PCDHGA7: variants seen among roughly 807,000 people sequenced by gnomAD.
PCDHGA7 encodes protocadherin gamma-A7.
A neutral mutation model predicts 58.3 loss-of-function variants in PCDHGA7; 44 were observed. The ratio of observed to expected loss-of-function variants is 0.75; its 90% CI spans 0.59 to 0.97. The LOEUF is 0.97. Among genes scored for constraint, PCDHGA7 ranks in the 50% least tolerant of loss-of-function variants. The pLI is 0.00. For missense variants in PCDHGA7, 1,266 were observed against 1,188.7 expected (o/e 1.06, Z -0.96); for synonymous variants, 516 against 504.2 (o/e 1.02, Z -0.31).
At chr5:141,466,993 T>G (rs2099133598) in intron 1 of PCDHGA7, among the ~76,000 whole-genome samples, 1 of 152,148 alleles carries the variant, frequency 6.6e-6, no homozygotes, top group African/African-American at 2.4e-5. Context: ...CCTTTTGGCA[T>G]TTTTTTGCAA....
intron 1 of PCDHGA7, chr5:141,479,691 C>T (rs2099503603): frequency 6.6e-6 from 1 of 152,206 alleles, no homozygotes; most frequent in Non-Finnish European, 1.5e-5. Context: ...TTTGGTGCCT[C>T]CAGTGTTAGT....
intron 1 of PCDHGA7, chr5:141,388,735 C>A: frequency 6.2e-7 from 1 of 1,613,974 alleles, no homozygotes; most frequent in East Asian, 2.2e-5. Context: ...TTCAGTGAAG[C>A]TAGCCAGATC....
At chr5:141,423,927 T>G (rs2096791636) in intron 1 of PCDHGA7, 4 of 1,240,434 alleles carry the variant, frequency 3.2e-6, no homozygotes, top group Non-Finnish European at 4.1e-6. Flanking sequence ...TATGCTGGTT[T>G]GGTTTGAAGT....
At chr5:141,409,813 C>T in intron 1 of PCDHGA7, 2 of 1,611,170 alleles carry the variant, frequency 1.2e-6, no homozygotes, top group African/African-American at 1.3e-5. Flanking sequence ...CCCGCGACCA[C>T]GGCTCGCCCA....
Position 141,399,060 on chromosome 5 carries a change from T to C in PCDHGA7, c.2424+13737T>C, listed in dbSNP as rs903637711. 1.9e-5 allele frequency: 31 copies of C among 1,613,868 alleles called. No homozygotes were observed. In the African/African-American group the frequency reaches 2.8e-4, roughly 15 times the overall value. ...TGGATTTTGAAGAGACCAAGGAATA[T>C]TCAATGGTTGTAGAAGGGAGGGATG... On this transcript the variant is annotated intron_variant, in intron 1 of 3. Coordinates refer to ENST00000518325, the MANE Select transcript of PCDHGA7 (RefSeq NM_018920.4).
At chr5:141,425,391 A>G (rs2096872046) in intron 1 of PCDHGA7, among the ~76,000 whole-genome samples, 1 of 152,238 alleles carries the variant, frequency 6.6e-6, no homozygotes, top group South Asian at 2.1e-4. Flanking sequence ...AGGTAGTGAT[A>G]AAGTTCTGTT....
In PCDHGA7 at chr5:141,490,004, CA is replaced by C; in HGVS notation, c.2425-4802del. 1 of 1,614,174 alleles carries C rather than the reference CA, an allele frequency of 6.2e-7. No individual in the cohort carries two copies. Among genetic ancestry groups the C allele is most frequent in the Admixed American group, 1.7e-5 (1 of 60,034 alleles). ...CTACGTGTGGGAATCCCAGAGAATG[CA>C]CCCATTGGTACTCTGCTGCTCCGCC... On this transcript the variant is annotated intron_variant, in intron 1 of 3. Transcript: ENST00000518325. This position sits in a 1 kb window ranked among gnomAD's most constrained non-coding sequence, Gnocchi z 5.4.
intron 1 of PCDHGA7, among the ~76,000 whole-genome samples, chr5:141,454,924 C>T (rs1252057038): frequency 6.7e-6 from 1 of 149,858 alleles, no homozygotes; most frequent in Non-Finnish European, 1.5e-5. Context: ...TCTCCTGCCT[C>T]AGCCTCCCGA....
intron 1 of PCDHGA7, chr5:141,404,885 G>C: frequency 1.2e-6 from 2 of 1,613,906 alleles, no homozygotes; most frequent in Non-Finnish European, 1.7e-6. Context: ...CCTTGTGGTG[G>C]CTGTACAGGA....
In PCDHGA7 at chr5:141,408,945, G is replaced by A. The variant is rs1176579339; in HGVS notation, c.2424+23622G>A. 21 of 1,613,590 alleles carry A rather than the reference G, an allele frequency of 1.3e-5. No individual in the cohort carries two copies. In the East Asian group the frequency reaches 4.7e-4, roughly 36 times the overall value. Reference sequence around the variant, plus strand: ...CCGGTTTTCAGCAGAGACGAATATAGAATTAGTCTTAGTGAAAATCTGCCC... The same window carrying A: ...CCGGTTTTCAGCAGAGACGAATATAAAATTAGTCTTAGTGAAAATCTGCCC... On this transcript the variant is annotated intron_variant, in intron 1 of 3. Coordinates refer to ENST00000518325, the MANE Select transcript of PCDHGA7 (RefSeq NM_018920.4).
Position 141,491,417 on chromosome 5 carries a change from G to A in PCDHGA7, c.2425-3390G>A, listed in dbSNP as rs200843744. 5 of 1,613,988 alleles carry A rather than the reference G, an allele frequency of 3.1e-6. No homozygotes were observed. The highest frequency in any genetic ancestry group is 1.1e-5 in the South Asian group (1 of 91,092). Reference sequence around the variant, plus strand: ...CAGGGAAACGCAGACGGGGACGGGGGTGGAGGGCAGTGCTGCAGGCGCCAG... The same window carrying A: ...CAGGGAAACGCAGACGGGGACGGGGATGGAGGGCAGTGCTGCAGGCGCCAG... On this transcript the variant is annotated intron_variant, in intron 1 of 3. Transcript: ENST00000518325. The surrounding 1 kb of genome is among the most constrained non-coding windows in gnomAD (Gnocchi z 6.9).
intron 1 of PCDHGA7, chr5:141,408,948 T>C (rs768951087): frequency 6.2e-7 from 1 of 1,613,478 alleles, no homozygotes; most frequent in Non-Finnish European, 8.5e-7. Context: ...GAATATAGAA[T>C]TAGTCTTAGT....
intron 1 of PCDHGA7, among the ~76,000 whole-genome samples, chr5:141,405,666 C>T (rs752033736): frequency 3.3e-5 from 5 of 152,198 alleles, no homozygotes; most frequent in Admixed American, 6.5e-5. Flanking sequence ...TTAGTAGAGA[C>T]GGGGTGTCAC....
Position 141,510,985 on chromosome 5 carries a change from G to A in PCDHGA7, c.2611G>A (p.Gly871Ser), listed in dbSNP as rs1278517639. Residue 871 changes from glycine to serine, a missense_variant, in exon 4 of 4, where the codon GGC becomes AGC. Transcript: ENST00000518325. ...DGSSTLGGGA[G>S]TMGLSARYGP... ...GAGCTCCACCCTGGGAGGGGGTGCCGGCACCATGGGATTGAGCGCCCGCTA... is the reference window on the plus strand; with the variant it reads ...GAGCTCCACCCTGGGAGGGGGTGCCAGCACCATGGGATTGAGCGCCCGCTA... 19 of 1,614,090 alleles carry A rather than the reference G, an allele frequency of 1.2e-5. No individual in the cohort carries two copies. The highest frequency in any genetic ancestry group is 2.2e-5 in the East Asian group (1 of 44,880).
intron 1 of PCDHGA7, chr5:141,404,926 C>CA (rs765817542): frequency 1.2e-6 from 2 of 1,613,884 alleles, no homozygotes; most frequent in Non-Finnish European, 1.7e-6. Context: ...CGGCCACTGT[C>CA]ACGCTCACAG....
intron 1 of PCDHGA7, chr5:141,422,513 G>A (rs765955739): frequency 6.2e-7 from 1 of 1,614,000 alleles, no homozygotes. Context: ...ACAGACCAGG[G>A]AAGCCCGCCT....
In PCDHGA7 at chr5:141,423,579, G is replaced by A. The variant is rs760902886; in HGVS notation, c.2424+38256G>A. 6 of 1,613,378 alleles carry A rather than the reference G, an allele frequency of 3.7e-6. No homozygotes were observed. In the East Asian group the frequency reaches 1.3e-4, roughly 36 times the overall value. ...ATGGGGACACGCTCATCAGCCAGGA[G>A]AGCTGTGAGAAAAGCGAGCCACTCT... On this transcript the variant is annotated intron_variant, in intron 1 of 3. Transcript: ENST00000518325.
Position 141,427,654 on chromosome 5 carries a change from TCCACGTGGC to T in PCDHGA7, c.2424+42333_2424+42341del, listed in dbSNP as rs562748605. On this transcript the variant is annotated intron_variant, in intron 1 of 3. Coordinates refer to ENST00000518325, the MANE Select transcript of PCDHGA7 (RefSeq NM_018920.4). ...GTTTTCCACCAAGTCTCCTACGTGG[TCCACGTGGC>T]CGAAAACAACCTTCCCGGAGCCTCC... 2.0e-4 allele frequency: 148 copies of T among 727,622 alleles called. No individual in the cohort carries two copies. The African/African-American group carries it at 2.4e-3, about 12-fold the overall frequency. The allele number at this position is 727,622 out of a possible 1,614,324, so 45.1% of individuals were successfully genotyped here.
intron 1 of PCDHGA7, chr5:141,393,233 A>T (rs756421828): frequency 2.7e-5 from 44 of 1,613,664 alleles, no homozygotes; most frequent in Non-Finnish European, 3.4e-5. Context: ...ATCTAGAAGT[A>T]AAAATTAACG....
Sources: allele counts gnomAD v4.1 joint callset (sites outside exome capture counted in the v4.1 genomes callset), GRCh38; gene constraint gnomAD v4.1.1; non-coding constraint Gnocchi (gnomAD v3.1); transcripts MANE v1.5; gene names NCBI Gene and HGNC (gene_info 2026-07-23, HGNC 2026-07-21).